Variants in SAMD12 observed in about 807,000 individuals in gnomAD.
SAMD12 encodes the protein sterile alpha motif domain containing 12, also known as sterile alpha motif domain-containing protein 12.
Under a neutral mutation model 15.0 loss-of-function variants are expected in SAMD12, and 9 were observed. The observed-to-expected ratio is 0.60, with a 90% CI of 0.36 to 1.05. The LOEUF (loss-of-function observed/expected upper bound fraction) is 1.05. SAMD12 is among the 50% of genes least tolerant of loss of function. The pLI, the probability that SAMD12 is intolerant of heterozygous loss-of-function variation, is 0.01. For missense variants in SAMD12, 230 were observed against 234.2 expected, an observed-to-expected ratio of 0.98 and a Z score of 0.12; for synonymous variants, 86 against 90.1, an observed-to-expected ratio of 0.96 and a Z score of 0.25.
intron 2 of SAMD12, among the ~76,000 whole-genome samples, chr8:118,497,914 A>G (rs989523692): frequency 4.6e-5 from 7 of 152,190 alleles, no homozygotes; most frequent in African/African-American, 1.7e-4. Context: ...CTGAGATGTC[A>G]GAGGAGACAT....
chr8:118,317,867 T>A (rs1441645748), intron 4 of SAMD12, among the ~76,000 whole-genome samples: 2 of 151,918 alleles, frequency 1.3e-5, no homozygotes, highest in Admixed American at 1.3e-4. Flanking sequence ...AAACAAATAA[T>A]CTCATCAAAA....
intron 4 of SAMD12, among the ~76,000 whole-genome samples, chr8:118,287,122 A>AT (rs202200197): frequency 0.015 from 2,049 of 132,748 alleles, 29 homozygotes; most frequent in African/African-American, 0.025. Context: ...AAGGAAGAAT[A>AT]TTTTTTTTTT....
intron 4 of SAMD12, among the ~76,000 whole-genome samples, chr8:118,279,737 T>A (rs995117569): frequency 6.6e-6 from 1 of 152,250 alleles, no homozygotes; most frequent in Non-Finnish European, 1.5e-5. Flanking sequence ...CATGTTATAA[T>A]CTGGACATGC....
At chr8:118,400,816 C>T (rs150775281) in intron 3 of SAMD12, among the ~76,000 whole-genome samples, 11 of 151,746 alleles carry the variant, frequency 7.2e-5, no homozygotes, top group Admixed American at 2.0e-4. Flanking sequence ...AAAGAAAGGC[C>T]GATTCCAATG....
chr8:118,315,907 A>G lies in SAMD12; in HGVS notation c.433+63653T>C, dbSNP rs150244335. On this transcript the variant is annotated intron_variant, in intron 4 of 4. Coordinates refer to the SAMD12 transcript ENST00000409003. Reference sequence around the variant, plus strand: ...TCCCCCTGAGAGCTGCAGTCCCAACATCAGAATGAAGAGATCTAACTGCTT... The same window carrying G: ...TCCCCCTGAGAGCTGCAGTCCCAACGTCAGAATGAAGAGATCTAACTGCTT... Among the ~76,000 whole-genome samples, 24 of 152,310 alleles carry G rather than the reference A, an allele frequency of 1.6e-4. No individual in the cohort carries two copies. In the East Asian group the frequency reaches 4.0e-3, roughly 26 times the overall value.
At chr8:118,199,119 T>TTATA (rs899721193) in intron 4 of SAMD12, among the ~76,000 whole-genome samples, 12 of 152,140 alleles carry the variant, frequency 7.9e-5, no homozygotes, top group African/African-American at 2.7e-4. Flanking sequence ...AATATAAAGC[T>TTATA]TATATATATG....
rs1029734434 is a variant in SAMD12, at chr8:118,533,387, G to T, written c.192+47328C>A. 7.2e-5 allele frequency among the ~76,000 whole-genome samples: 11 copies of T among 152,210 alleles called. 1 individual carries two copies. Among genetic ancestry groups the T allele is most frequent in the Non-Finnish European group, 1.6e-4 (11 of 68,040 alleles). On this transcript the variant is annotated intron_variant, in intron 2 of 3. Coordinates refer to ENST00000314727, the MANE Select transcript of SAMD12 (RefSeq NM_207506.3). ...ATGTGGTCAATTTTGGAATAAGTGT[G>T]ATGTGGTGCTGAGAAGAATGTATAT...
At chr8:118,161,511 G>C in the SAMD12 span, among the ~76,000 whole-genome samples, 4 of 149,098 alleles carry the variant, frequency 2.7e-5, no homozygotes, top group African/African-American at 9.9e-5. Flanking sequence ...GCAGTGAGCC[G>C]CTGTGATCAT....
At chr8:118,295,041 C>CTT (rs5894422) in intron 4 of SAMD12, among the ~76,000 whole-genome samples, 3 of 148,660 alleles carry the variant, frequency 2.0e-5, no homozygotes, top group Non-Finnish European at 1.5e-5. Context: ...AAACAAACTT[C>CTT]TTTTTTTTTT....
chr8:118,612,678 C>G (rs1416606367), intron 1 of SAMD12, among the ~76,000 whole-genome samples: 15 of 152,346 alleles, frequency 9.8e-5, no homozygotes, highest in Non-Finnish European at 1.5e-5. Flanking sequence ...ACAGGTAAAA[C>G]ATACTCACTA....
chr8:118,252,584 T>C (rs1563716512), intron 4 of SAMD12, among the ~76,000 whole-genome samples: 1 of 152,128 alleles, frequency 6.6e-6, no homozygotes, highest in Non-Finnish European at 1.5e-5. Flanking sequence ...TCCCTTCTTT[T>C]TTCTCCTCTT....
chr8:118,257,539 G>A (rs780599951), intron 4 of SAMD12, among the ~76,000 whole-genome samples: 38 of 152,108 alleles, frequency 2.5e-4, no homozygotes, highest in East Asian at 5.8e-4. Context: ...TCCTCCTTCC[G>A]TATGAAATGA....
chr8:118,580,084 A>T (rs530026477), intron 2 of SAMD12, among the ~76,000 whole-genome samples: 1 of 152,280 alleles, frequency 6.6e-6, no homozygotes, highest in South Asian at 2.1e-4. Context: ...CAGCAGAATA[A>T]AATAATTTTC....
intron 4 of SAMD12, among the ~76,000 whole-genome samples, chr8:118,337,623 C>A (rs1333371674): frequency 6.6e-6 from 1 of 152,184 alleles, no homozygotes; most frequent in Non-Finnish European, 1.5e-5. Context: ...CACATGCTGT[C>A]CCAAAGAGGG....
At chr8:118,153,339 A>G in the SAMD12 span, among the ~76,000 whole-genome samples, 1 of 84,248 alleles carries the variant, frequency 1.2e-5, no homozygotes, top group African/African-American at 3.8e-5. Flanking sequence ...CTGCACAAGC[A>G]CATTTGAGCC....
intron 3 of SAMD12, among the ~76,000 whole-genome samples, chr8:118,389,469 G>A (rs934213082): frequency 5.3e-5 from 8 of 152,190 alleles, no homozygotes; most frequent in Non-Finnish European, 1.0e-4. Context: ...CCAGCATTTT[G>A]GGAGCAGGCA....
At chr8:118,516,325 A>C (rs1363408678) in intron 2 of SAMD12, among the ~76,000 whole-genome samples, 1 of 152,134 alleles carries the variant, frequency 6.6e-6, no homozygotes, top group Non-Finnish European at 1.5e-5. Context: ...TAGTTGTTTC[A>C]TTTGTGCTGG....
At chr8:118,513,265 A>T (rs1313377264) in intron 2 of SAMD12, among the ~76,000 whole-genome samples, 1 of 152,230 alleles carries the variant, frequency 6.6e-6, no homozygotes, top group African/African-American at 2.4e-5. Flanking sequence ...AAATTTTAGA[A>T]ATAAAATATT....
chr8:118,557,474 T>A (rs966985498), intron 2 of SAMD12, among the ~76,000 whole-genome samples: 10 of 152,132 alleles, frequency 6.6e-5, no homozygotes, highest in African/African-American at 2.2e-4. Context: ...TTGGAGTAGA[T>A]CTGAGAAGCT....
Sources: gnomAD v4.1 joint callset for allele counts (sites outside exome capture counted in the v4.1 genomes callset) on GRCh38, gnomAD v4.1.1 for gene constraint, MANE v1.5 for transcripts, NCBI Gene and HGNC (gene_info 2026-07-23, HGNC 2026-07-21) for gene names.